MATR3: variants seen among roughly 807,000 people sequenced by gnomAD.
MATR3 encodes the protein matrin-3.
Under a neutral mutation model 85.5 loss-of-function variants are expected in MATR3, and 4 were observed. That is an observed-to-expected ratio of 0.05 (90% CI 0.02 to 0.11). The LOEUF is 0.11. Ranked by LOEUF, MATR3 falls within the 10% of genes least tolerant of loss-of-function variation. The probability of loss-of-function intolerance (pLI) is 1.00; values close to 1 mark genes in which losing one functional copy is unlikely to be tolerated. For synonymous variants in MATR3, 336 were observed against 343.1 expected (o/e 0.98, Z 0.23); for missense variants, 685 against 1,016.1 (o/e 0.67, Z 4.43).
intron 9 of MATR3, among the ~76,000 whole-genome samples, chr5:139,320,792 G>A (rs1259985983): frequency 2.3e-5 from 3 of 132,558 alleles, no homozygotes; most frequent in African/African-American, 8.5e-5. Flanking sequence ...CTGTCACCCC[G>A]GCTGTAGTGC....
At position 139,314,685 on chromosome 5, in the gene MATR3, A is replaced by C; in HGVS notation, c.923A>C (p.Gln308Pro). ...LPVHSNKEWS[Q>P]HINGASHSRR... is the part of the protein sequence containing the mutation. ...TTTACTTTGCTGCAGGAGTGGAGTC[A>C]ACATATCAATGGAGCAAGTCACAGT... The change falls in exon 3 of 15, where the codon CAA becomes CCA. Residue 308 changes from glutamine (Q) to proline (P), a missense_variant. Gln to Pro is a moderately conservative substitution (Grantham distance 76). Coordinates refer to ENST00000394805, the MANE Select transcript of MATR3 (RefSeq NM_018834.6). The C allele has an allele frequency of 1.2e-6, 2 of 1,613,852 alleles. No homozygotes were observed. Among genetic ancestry groups the C allele is most frequent in the Non-Finnish European group, 1.7e-6 (2 of 1,179,826 alleles).
chr5:139,322,863 G>A lies in MATR3; in HGVS notation c.2044G>A (p.Ala682Thr). The A allele has an allele frequency of 1.9e-6, 3 of 1,614,154 alleles. No homozygotes were observed. The highest frequency in any genetic ancestry group is 1.7e-6 in the Non-Finnish European group (2 of 1,180,022). The change falls in exon 12 of 15, where the codon GCT becomes ACT. Residue 682 changes from alanine to threonine, a missense_variant. Around this residue, in one of 9 missense-constraint regions of MATR3, gnomAD observed 215 missense variants for 194.7 expected, o/e 1.10. Coordinates refer to ENST00000394805, the MANE Select transcript of MATR3 (RefSeq NM_018834.6). ...TTCAGTGGGAGACGAGACCGATCTT[G>A]CTAATTTAGGTGATGTGGCTTCTGA... ...GSSVGDETDLANLGDVASDGK... is the reference protein window; with the variant it reads ...GSSVGDETDLTNLGDVASDGK...
chr5:139,300,601 TGA>T (rs1405148048), intron 1 of MATR3, among the ~76,000 whole-genome samples: 1 of 152,114 alleles, frequency 6.6e-6, no homozygotes, highest in Non-Finnish European at 1.5e-5. Flanking sequence ...TTATACCAAA[TGA>T]GATGATTACT....
chr5:139,294,195 G>A, intron 1 of MATR3: 3 of 583,992 alleles, frequency 5.1e-6, no homozygotes, highest in Non-Finnish European at 7.7e-6. Flanking sequence ...GGCGCTGAGG[G>A]GGAGGGAGGA....
At position 139,322,677 on chromosome 5, in the gene MATR3, A is replaced by C; in HGVS notation, c.1858A>C (p.Ser620Arg). The change falls in exon 12 of 15, where the codon AGT (serine) becomes CGT (arginine). Residue 620 changes from serine to arginine, a missense_variant. Transcript: ENST00000394805. ...SKTDGSQKTE[S>R]STEGKEQEEK... ...AACTGATGGTTCCCAGAAGACTGAG[A>C]GTTCAACCGAAGGTAAAGAACAAGA... 6.2e-7 allele frequency: 1 copy of C among 1,614,190 alleles called. No homozygotes were observed. Among genetic ancestry groups the C allele is most frequent in the Non-Finnish European group, 8.5e-7 (1 of 1,180,000 alleles).
chr5:139,311,545 CCT>C (rs1754973414), intron 2 of MATR3: 1 of 152,018 alleles, frequency 6.6e-6, no homozygotes, highest in Admixed American at 6.6e-5. Flanking sequence ...ACACTTTTCC[CCT>C]AAGTTTGAAC....
intron 1 of MATR3, among the ~76,000 whole-genome samples, chr5:139,300,684 A>T (rs2151942130): frequency 6.6e-6 from 1 of 152,326 alleles, no homozygotes; most frequent in Middle Eastern, 3.4e-3. Flanking sequence ...TTTGAGTCAG[A>T]GTCTCACTCT....
intron 1 of MATR3, among the ~76,000 whole-genome samples, chr5:139,304,967 A>G (rs1240562006): frequency 6.6e-6 from 1 of 152,240 alleles, no homozygotes; most frequent in Non-Finnish European, 1.5e-5. Context: ...ATGTTGCCAC[A>G]TCTGGTTTCT....
chr5:139,296,395 TAG>T, intron 1 of MATR3, among the ~76,000 whole-genome samples: 1 of 152,096 alleles, frequency 6.6e-6, no homozygotes, highest in East Asian at 1.9e-4. Context: ...AACATGAAAA[TAG>T]AGATATACCC....
chr5:139,285,101 T>C (rs1426012649), intron 3 of MATR3: 1 of 152,198 alleles, frequency 6.6e-6, no homozygotes, highest in Non-Finnish European at 1.5e-5. Context: ...AAAGTACTGT[T>C]TGGTTTAGGA....
chr5:139,317,144 T>A (rs762112375), intron 6 of MATR3, 39 bp downstream of exon 6: 1 of 1,590,198 alleles, frequency 6.3e-7, no homozygotes, highest in South Asian at 1.1e-5. Context: ...TATTTATGAT[T>A]TTTGGGAATA....
chr5:139,313,347 A>G lies in MATR3; in HGVS notation c.913-1328A>G, dbSNP rs1376022952. 7 of 111,778 alleles carry G rather than the reference A, an allele frequency of 6.3e-5. No individual in the cohort carries two copies. In the East Asian group the frequency reaches 2.0e-3, roughly 32 times the overall value. The allele number at this position is 111,778 out of a possible 1,614,324, so 6.9% of individuals were successfully genotyped here. ...TAGTTCTTTTTTTTTTTTTTTTTTT[A>G]GCACATTCCATGTGCCTGGCAAGGG... On this transcript the variant is annotated intron_variant, in intron 2 of 14. Coordinates refer to ENST00000394805, the MANE Select transcript of MATR3 (RefSeq NM_018834.6).
At position 139,304,976 on chromosome 5, in the gene MATR3, C is replaced by T. The variant is rs537229961; in HGVS notation, c.-177-2263C>T. Among the ~76,000 whole-genome samples, 13 of 152,302 alleles carry T rather than the reference C, an allele frequency of 8.5e-5. No individual in the cohort carries two copies. In the South Asian group the frequency reaches 2.7e-3, roughly 32 times the overall value. On this transcript the variant is annotated intron_variant, in intron 1 of 14. Transcript: ENST00000394805. Reference sequence around the variant, plus strand: ...TCAACAATGTTGCCACATCTGGTTTCTCCCAACTTTGTTCTAATAAAACCA... The same window carrying T: ...TCAACAATGTTGCCACATCTGGTTTTTCCCAACTTTGTTCTAATAAAACCA...
At chr5:139,289,536 T>C (rs1466358977), upstream of MATR3, among the ~76,000 whole-genome samples, 1 of 152,246 alleles carries the variant, frequency 6.6e-6, no homozygotes, top group South Asian at 2.1e-4. Flanking sequence ...TAAATTGATA[T>C]TAGCTGACTA....
chr5:139,313,036 T>G (rs541549997), intron 2 of MATR3: 15 of 152,108 alleles, frequency 9.9e-5, no homozygotes, highest in East Asian at 3.9e-4. Context: ...TTTTTTTTTT[T>G]TTTTTTTTTA....
At position 139,331,185 on chromosome 5, in the gene MATR3, A is replaced by G. The variant is rs1360236648; in HGVS notation, c.*1790A>G. 5 of 454,026 alleles carry G rather than the reference A, an allele frequency of 1.1e-5. No individual in the cohort carries two copies. The highest frequency in any genetic ancestry group is 1.0e-4 in the African/African-American group (5 of 50,002). 28.1% of individuals were successfully genotyped at this position (454,026 alleles called of 1,614,324 possible). ...CCCCAGTTTATTAAAGGATACTTCA[A>G]ATAGTTGGCTAAATTTTATGATCTC... On this transcript the variant is annotated 3_prime_UTR_variant, in exon 15 of 15. Coordinates refer to ENST00000394805, the MANE Select transcript of MATR3 (RefSeq NM_018834.6).
chr5:139,317,214 T>G, intron 6 of MATR3, 109 bp downstream of exon 6: 1 of 1,088,094 alleles, frequency 9.2e-7, no homozygotes, highest in Non-Finnish European at 1.4e-6. Context: ...GGAACATTGC[T>G]GTAATTTGAA....
At chr5:139,318,783 A>T in intron 7 of MATR3, 125 bp from the exon 8 acceptor site, 1 of 890,116 alleles carries the variant, frequency 1.1e-6, no homozygotes, top group South Asian at 1.5e-5. Context: ...AGTATTTTCT[A>T]CTTAATGATT....
Position 139,311,828 on chromosome 5 carries a change from C to T in MATR3, c.913-2847C>T, listed in dbSNP as rs895917026. ...TGTGTCCCAGGCTGGAGTACAGTGG[C>T]GTGATCTTGGCTCACTGCATCCTCT... On this transcript the variant is annotated intron_variant, in intron 2 of 14. Transcript: ENST00000394805. 8 of 118,950 alleles carry T rather than the reference C, an allele frequency of 6.7e-5. No individual in the cohort carries two copies. The Admixed American group carries it at 7.1e-4, about 11-fold the overall frequency. The allele number at this position is 118,950 out of a possible 1,614,324, so 7.4% of individuals were successfully genotyped here.
Sources: allele counts gnomAD v4.1 joint callset (sites outside exome capture counted in the v4.1 genomes callset), GRCh38; gene constraint gnomAD v4.1.1; regional missense constraint gnomAD v4.1.1; transcripts MANE v1.5; gene names NCBI Gene and HGNC (gene_info 2026-07-23, HGNC 2026-07-21).